Variants in RCSD1 observed in about 807,000 individuals in gnomAD.
The protein encoded by RCSD1 is RCSD domain containing 1.
RCSD1 carries 26 observed loss-of-function variants against 42.5 expected under a neutral mutation model. That is an observed-to-expected ratio of 0.61 (90% CI 0.45 to 0.85). The LOEUF (loss-of-function observed/expected upper bound fraction) is 0.85. RCSD1 is among the 40% of genes least tolerant of loss of function. The pLI, the probability that RCSD1 is intolerant of heterozygous loss-of-function variation, is 0.00. For missense variants in RCSD1, 571 were observed against 528.3 expected (o/e 1.08, Z -0.79); for synonymous variants, 220 against 212.2 (o/e 1.04, Z -0.32).
At chr1:167,646,566 C>A (rs115592626) in intron 1 of RCSD1, among the ~76,000 whole-genome samples, 1 of 149,720 alleles carries the variant, frequency 6.7e-6, no homozygotes, top group Non-Finnish European at 1.5e-5. Context: ...TACATGCGTG[C>A]AGGTTTGTTA....
At chr1:167,641,924 GT>G (rs574913609) in intron 1 of RCSD1, 54 of 152,294 alleles carry the variant, frequency 3.5e-4, no homozygotes, top group African/African-American at 1.3e-3. Flanking sequence ...AACAACAAAG[GT>G]TTACTTTTCA....
chr1:167,631,783 T>C (rs72695390), intron 1 of RCSD1, among the ~76,000 whole-genome samples: 17,657 of 152,270 alleles, frequency 0.12, 1,176 homozygotes, highest in East Asian at 0.25. Flanking sequence ...ACACCACTCC[T>C]GGCCCTGGTT....
At position 167,668,083 on chromosome 1, in the gene RCSD1, G is replaced by C. The variant is rs112738695; in HGVS notation, c.7-15817G>C. ...AGGCGGATGGATCACCTGAGGTCAG[G>C]AGTTCAAAACCAGCCTGGCCAACAT... On this transcript the variant is annotated intron_variant, in intron 1 of 6. Transcript: ENST00000367854. Among the ~76,000 whole-genome samples, 225 of 152,178 alleles carry C rather than the reference G, an allele frequency of 1.5e-3. 2 individuals are homozygous for C. The highest frequency in any genetic ancestry group is 5.1e-3 in the African/African-American group (213 of 41,498).
At chr1:167,667,004 G>A (rs972594185) in intron 1 of RCSD1, among the ~76,000 whole-genome samples, 3 of 152,222 alleles carry the variant, frequency 2.0e-5, no homozygotes, top group African/African-American at 7.2e-5. Flanking sequence ...ATTCAACTCA[G>A]CTGGATGGCT....
intron 2 of RCSD1, 30 bp downstream of exon 2, chr1:167,684,031 T>C: frequency 6.4e-7 from 1 of 1,558,820 alleles, no homozygotes; most frequent in Non-Finnish European, 8.8e-7. Context: ...AGCAGCCTCT[T>C]CAGCAGCGGG....
intron 1 of RCSD1, among the ~76,000 whole-genome samples, chr1:167,669,900 G>A (rs567526767): frequency 1.3e-5 from 2 of 152,142 alleles, no homozygotes; most frequent in African/African-American, 2.4e-5. Flanking sequence ...CCGGGGGCTG[G>A]GTCCTTAGGA....
chr1:167,634,020 G>GGTCTTTGA (rs1487402538), intron 1 of RCSD1, among the ~76,000 whole-genome samples: 1 of 152,094 alleles, frequency 6.6e-6, no homozygotes, highest in African/African-American at 2.4e-5. Context: ...TTTTCTCATT[G>GGTCTTTGA]GTCTTTGAGT....
At position 167,680,941 on chromosome 1, in the gene RCSD1, C is replaced by A. The variant is rs747796239; in HGVS notation, c.7-2959C>A. ...AGTCAAGGTGAGGGTATGGCCTTAGCGGGACTGCCGTGAAGAGCTCCTGGC... is the reference window on the plus strand; with the variant it reads ...AGTCAAGGTGAGGGTATGGCCTTAGAGGGACTGCCGTGAAGAGCTCCTGGC... On this transcript the variant is annotated intron_variant, in intron 1 of 6. Transcript: ENST00000367854. Among the ~76,000 whole-genome samples, 5 of 152,170 alleles carry A rather than the reference C, an allele frequency of 3.3e-5. No individual in the cohort carries two copies. The South Asian group carries it at 1.0e-3, about 32-fold the overall frequency.
chr1:167,695,372 G>T (rs998399221), intron 5 of RCSD1, among the ~76,000 whole-genome samples: 2 of 152,228 alleles, frequency 1.3e-5, no homozygotes, highest in Admixed American at 6.5e-5. Flanking sequence ...CTGGGGCCTT[G>T]ATACCTTCCA....
At chr1:167,647,910 C>T (rs928478716) in intron 1 of RCSD1, among the ~76,000 whole-genome samples, 5 of 152,150 alleles carry the variant, frequency 3.3e-5, no homozygotes, top group African/African-American at 1.2e-4. Flanking sequence ...ATCATCTTAA[C>T]ACAACTATTT....
chr1:167,635,365 A>G (rs1192775999), intron 1 of RCSD1, among the ~76,000 whole-genome samples: 1 of 151,848 alleles, frequency 6.6e-6, no homozygotes, highest in African/African-American at 2.4e-5. Flanking sequence ...ACTGGCCCCC[A>G]CTCAGCAGAC....
chr1:167,658,372 A>G (rs1243267417), intron 1 of RCSD1, among the ~76,000 whole-genome samples: 3 of 152,174 alleles, frequency 2.0e-5, no homozygotes, highest in Non-Finnish European at 4.4e-5. Flanking sequence ...TCTGCATCTT[A>G]CAATTCTCAC....
At chr1:167,676,198 T>G (rs1409154666) in intron 1 of RCSD1, among the ~76,000 whole-genome samples, 1 of 152,152 alleles carries the variant, frequency 6.6e-6, no homozygotes, top group Admixed American at 6.5e-5. Context: ...AACTAGTAAA[T>G]GTAGAGCTGG....
chr1:167,643,367 AAG>A (rs1658055058), intron 1 of RCSD1, among the ~76,000 whole-genome samples: 1 of 152,204 alleles, frequency 6.6e-6, no homozygotes, highest in Non-Finnish European at 1.5e-5. Flanking sequence ...ATATAGGACA[AAG>A]AGGCTTTTTA....
At chr1:167,691,634 G>A (rs55730716) in intron 4 of RCSD1, among the ~76,000 whole-genome samples, 6,912 of 152,306 alleles carry the variant, frequency 0.045, 208 homozygotes, top group Middle Eastern at 0.12. Flanking sequence ...GTGTCAAGAC[G>A]AATAGCCACA....
chr1:167,655,477 G>A (rs1043431054), intron 1 of RCSD1, among the ~76,000 whole-genome samples: 5 of 152,094 alleles, frequency 3.3e-5, no homozygotes, highest in South Asian at 2.1e-4. Flanking sequence ...GACAGAGCTC[G>A]TCACATAATC....
rs557680961 is a variant in RCSD1 at position 167,644,675 on chromosome 1, C to G, written c.6+14246C>G. On this transcript the variant is annotated intron_variant, in intron 1 of 6. Coordinates refer to ENST00000367854, the MANE Select transcript of RCSD1 (RefSeq NM_052862.4). Reference sequence around the variant, plus strand: ...GAGCTCCCCTTCCACTTCCTCCCCCCACATACCTGGGTTGCCTGTACCCTG... The same window carrying G: ...GAGCTCCCCTTCCACTTCCTCCCCCGACATACCTGGGTTGCCTGTACCCTG... 3.9e-5 allele frequency among the ~76,000 whole-genome samples: 6 copies of G among 152,036 alleles called. No homozygotes were observed. The East Asian group carries it at 7.7e-4, about 20-fold the overall frequency.
chr1:167,689,890 C>T (rs185604749), intron 3 of RCSD1, among the ~76,000 whole-genome samples, 159 bp from the exon 4 acceptor site: 9 of 152,152 alleles, frequency 5.9e-5, no homozygotes, highest in Non-Finnish European at 1.2e-4. Context: ...GGAAAGTTCA[C>T]GTCGCCCAGG....
chr1:167,650,903 C>A (rs951040206), intron 1 of RCSD1, among the ~76,000 whole-genome samples: 1 of 152,158 alleles, frequency 6.6e-6, no homozygotes, highest in East Asian at 1.9e-4. Context: ...TAACAAAGTG[C>A]CATGGACTGG....
Sources: gnomAD v4.1 joint callset for allele counts (sites outside exome capture counted in the v4.1 genomes callset) on GRCh38, gnomAD v4.1.1 for gene constraint, MANE v1.5 for transcripts, NCBI Gene and HGNC (gene_info 2026-07-23, HGNC 2026-07-21) for gene names.